PPP1R21: variants seen among roughly 807,000 people sequenced by gnomAD.
PPP1R21 encodes the protein KLRAQ motif containing 1.
PPP1R21 carries 85 observed loss-of-function variants against 112.8 expected under a neutral mutation model. The observed-to-expected ratio is 0.75, with a 90% CI of 0.63 to 0.90. PPP1R21 has a LOEUF of 0.90. Ranked by LOEUF, PPP1R21 falls within the 40% of genes least tolerant of loss-of-function variation. PPP1R21 has a pLI of 0.00. For synonymous variants in PPP1R21, 381 were observed against 322.3 expected (o/e 1.18, Z -1.95); for missense variants, 1,199 against 901.5 (o/e 1.33, Z -4.23).
intron 2 of PPP1R21, among the ~76,000 whole-genome samples, chr2:48,453,142 C>T (rs1023195635): frequency 1.3e-5 from 2 of 151,928 alleles, no homozygotes; most frequent in South Asian, 2.1e-4. Context: ...TTAGTAGAGT[C>T]GGAGTTTTGT....
At chr2:48,445,635 G>GATTT (rs2103733674) in intron 1 of PPP1R21, among the ~76,000 whole-genome samples, 1 of 152,294 alleles carries the variant, frequency 6.6e-6, no homozygotes, top group Non-Finnish European at 1.5e-5. Flanking sequence ...TAGTTTAACT[G>GATTT]ATTTACTCAC....
rs547237045 is a variant in PPP1R21, at chr2:48,493,801, GT to G, written c.1600-1875del. On this transcript the variant is annotated intron_variant, in intron 15 of 21. Transcript: ENST00000294952. The stretch of plus-strand genomic sequence containing the variant: ...TAAATTTTTATGTATGCTTTTGTTC[GT>G]TTCTGGATATTTTATTCTGTTCTTC... 1.4e-4 allele frequency among the ~76,000 whole-genome samples: 22 copies of G among 151,942 alleles called. No individual in the cohort carries two copies. The South Asian group carries it at 4.4e-3, about 30-fold the overall frequency.
chr2:48,489,323 C>T (rs891148382), intron 14 of PPP1R21, among the ~76,000 whole-genome samples: 14 of 149,392 alleles, frequency 9.4e-5, no homozygotes, highest in Non-Finnish European at 1.5e-4. Context: ...GGCAACATGG[C>T]AAGACCTCAT....
chr2:48,468,218 A>G (rs1668288849), intron 9 of PPP1R21, among the ~76,000 whole-genome samples: 1 of 152,224 alleles, frequency 6.6e-6, no homozygotes, highest in South Asian at 2.1e-4. Context: ...TCAATAAGAT[A>G]ATACATGTAA....
At chr2:48,449,642 A>G (rs929229771) in intron 1 of PPP1R21, among the ~76,000 whole-genome samples, 2 of 152,178 alleles carry the variant, frequency 1.3e-5, no homozygotes, top group African/African-American at 2.4e-5. Flanking sequence ...GCATTCAAAT[A>G]TGCTTGTTCT....
intron 14 of PPP1R21, among the ~76,000 whole-genome samples, chr2:48,488,419 T>C (rs572751143): frequency 4.0e-4 from 60 of 149,834 alleles, no homozygotes; most frequent in African/African-American, 1.4e-3. Context: ...CAGGTTGGAG[T>C]GTAGTGGCAT....
intron 14 of PPP1R21, among the ~76,000 whole-genome samples, chr2:48,487,760 C>CAA (rs199685338): frequency 2.1e-3 from 156 of 74,566 alleles, no homozygotes; most frequent in African/African-American, 7.5e-3. Flanking sequence ...GACCCTATCT[C>CAA]AAAAAAAAAA....
chr2:48,503,842 A>C (rs1290103685), intron 17 of PPP1R21, among the ~76,000 whole-genome samples: 1 of 151,072 alleles, frequency 6.6e-6, no homozygotes, highest in Admixed American at 6.6e-5. Flanking sequence ...AATCCCATCT[A>C]CTCGGGAGGC....
At chr2:48,465,920 G>T (rs1668180803) in intron 9 of PPP1R21, among the ~76,000 whole-genome samples, 1 of 152,202 alleles carries the variant, frequency 6.6e-6, no homozygotes, top group Non-Finnish European at 1.5e-5. Context: ...ACTTACAGAG[G>T]TTTATTAGAC....
At chr2:48,491,387 G>C (rs188668012) in intron 15 of PPP1R21, among the ~76,000 whole-genome samples, 39 of 152,158 alleles carry the variant, frequency 2.6e-4, no homozygotes, top group African/African-American at 8.4e-4. Flanking sequence ...AGGCCATGTT[G>C]GACTCATGTC....
At chr2:48,491,281 G>T in intron 15 of PPP1R21, 111 bp downstream of exon 15, 4 of 1,212,028 alleles carry the variant, frequency 3.3e-6, no homozygotes, top group Non-Finnish European at 3.4e-6. Context: ...ACGATATTGG[G>T]GTACAGGTTG....
Position 48,508,618 on chromosome 2 carries a change from A to G in PPP1R21, c.2085+1233A>G, listed in dbSNP as rs1670492804. 3.3e-5 allele frequency among the ~76,000 whole-genome samples: 5 copies of G among 152,336 alleles called. No homozygotes were observed. In the South Asian group the frequency reaches 1.0e-3, roughly 32 times the overall value. Reference sequence around the variant, plus strand: ...TCACTAAGCCGGCAGTCCAGCAGGCATGGATCCTCATTGTTTGGTTCTGAG... The same window carrying G: ...TCACTAAGCCGGCAGTCCAGCAGGCGTGGATCCTCATTGTTTGGTTCTGAG... On this transcript the variant is annotated intron_variant, in intron 19 of 21. Coordinates refer to ENST00000294952, the MANE Select transcript of PPP1R21 (RefSeq NM_001135629.3).
intron 19 of PPP1R21, among the ~76,000 whole-genome samples, chr2:48,507,886 C>A (rs1455665739): frequency 1.3e-5 from 2 of 149,916 alleles, no homozygotes; most frequent in Non-Finnish European, 3.0e-5. Flanking sequence ...CCGCCCCAGC[C>A]TCCTGAGTAG....
At chr2:48,498,437 C>T (rs1669948734) in intron 16 of PPP1R21, 56 bp from the exon 17 acceptor site, 1 of 1,581,714 alleles carries the variant, frequency 6.3e-7, no homozygotes, top group Non-Finnish European at 8.6e-7. Context: ...AGTTTTTGGG[C>T]CACTAAGGTT....
Position 48,451,042 on chromosome 2 carries a change from T to G in PPP1R21, c.92T>G (p.Val31Gly). 1.9e-6 allele frequency: 3 copies of G among 1,613,852 alleles called. No individual in the cohort carries two copies. Among genetic ancestry groups the G allele is most frequent in the Non-Finnish European group, 2.5e-6 (3 of 1,179,792 alleles). ...CAGAATCAGGTTCTGAAAAAAGGTG[T>G]TGTGGATGAACAAGCAAATTCTGCA... ...RAQNQVLKKGVVDEQANSAAL... is the reference protein window; with the variant it reads ...RAQNQVLKKGGVDEQANSAAL... Residue 31 changes from valine (V) to glycine (G), a missense_variant, in exon 2 of 22, where the codon GTT becomes GGT. Coordinates refer to ENST00000294952, the MANE Select transcript of PPP1R21 (RefSeq NM_001135629.3).
At chr2:48,505,538 A>G in intron 17 of PPP1R21, 26 bp from the exon 18 acceptor site, 2 of 1,528,704 alleles carry the variant, frequency 1.3e-6, no homozygotes, top group Non-Finnish European at 1.8e-6. Flanking sequence ...ATTCTGTTCT[A>G]AAAGATTTTT....
intron 12 of PPP1R21, among the ~76,000 whole-genome samples, chr2:48,476,000 G>T (rs1345494088): frequency 1.3e-5 from 2 of 151,978 alleles, no homozygotes; most frequent in East Asian, 3.9e-4. Context: ...TTACAATTCA[G>T]TGGTTTTTAG....
rs779876315 is a variant in PPP1R21, at chr2:48,486,674, A to T, written c.1362A>T (p.Glu454Asp). 1 of 1,613,526 alleles carries T rather than the reference A, an allele frequency of 6.2e-7. No homozygotes were observed. Among genetic ancestry groups the T allele is most frequent in the East Asian group, 2.2e-5 (1 of 44,872 alleles). ...GTCAAAAAGCTGCAATAGAGCATGA[A>T]CTTCCAACAGCAACACAGAAGCTGA... Reference protein sequence around the residue: ...HYSQKAAIEHELPTATQKLIT... With the variant: ...HYSQKAAIEHDLPTATQKLIT... The change falls in exon 14 of 22, where the codon GAA becomes GAT. Residue 454 changes from glutamate to aspartate, a missense_variant. By Grantham distance (45) the Glu-to-Asp change is conservative. Coordinates refer to ENST00000294952, the MANE Select transcript of PPP1R21 (RefSeq NM_001135629.3).
intron 2 of PPP1R21, among the ~76,000 whole-genome samples, chr2:48,454,032 G>A (rs1667599687): frequency 6.6e-6 from 1 of 152,054 alleles, no homozygotes; most frequent in Non-Finnish European, 1.5e-5. Context: ...GCCGAGGCAG[G>A]TGGATCACCT....
Sources: allele counts gnomAD v4.1 joint callset (sites outside exome capture counted in the v4.1 genomes callset), GRCh38; gene constraint gnomAD v4.1.1; transcripts MANE v1.5; gene names NCBI Gene and HGNC (gene_info 2026-07-23, HGNC 2026-07-21).